The following TRAT1 variants were observed in gnomAD, a reference collection of about 807,000 sequenced individuals.
The protein encoded by TRAT1 is T-cell receptor-associated transmembrane adapter 1.
TRAT1 carries 20 observed loss-of-function variants against 20.0 expected under a neutral mutation model. The ratio of observed to expected loss-of-function variants is 1.00; its 90% CI spans 0.70 to 1.45. The LOEUF (loss-of-function observed/expected upper bound fraction) is 1.45. TRAT1 is among the 40% of genes most tolerant of loss of function. The pLI, the probability that TRAT1 is intolerant of heterozygous loss-of-function variation, is 0.00. For missense variants in TRAT1, 237 were observed against 224.1 expected (o/e 1.06, Z -0.37); for synonymous variants, 77 against 74.2 (o/e 1.04, Z -0.20).
chr3:108,829,485 G>A (rs893879448), intron 1 of TRAT1, among the ~76,000 whole-genome samples: 6 of 151,980 alleles, frequency 3.9e-5, no homozygotes, highest in African/African-American at 1.2e-4. Context: ...TTGGGAGGCT[G>A]AGACAGCAGA....
intron 3 of TRAT1, among the ~76,000 whole-genome samples, chr3:108,842,963 G>A (rs576846067): frequency 1.3e-5 from 2 of 152,252 alleles, no homozygotes; most frequent in Admixed American, 6.5e-5. Flanking sequence ...TCACTTCTCA[G>A]CCTCAGTCAC....
intron 5 of TRAT1, among the ~76,000 whole-genome samples, chr3:108,853,177 C>T (rs1946012364): frequency 6.6e-6 from 1 of 152,084 alleles, no homozygotes; most frequent in Admixed American, 6.5e-5. Context: ...TTTGTGGTAC[C>T]ATTAAATGAC....
At chr3:108,837,578 T>C (rs1374818) in intron 2 of TRAT1, among the ~76,000 whole-genome samples, 89,745 of 152,114 alleles carry the variant, frequency 0.59, 27,763 homozygotes, top group East Asian at 0.9. Context: ...TCCTTACTAA[T>C]ATAGAGTGTT....
intron 5 of TRAT1, among the ~76,000 whole-genome samples, chr3:108,852,445 A>G (rs1946006435): frequency 6.6e-6 from 1 of 152,132 alleles, no homozygotes. Flanking sequence ...AAATAGAACC[A>G]TCTTTTCTAT....
rs762567225 is a variant in TRAT1 at position 108,830,799 on chromosome 3, T to C, written c.118+19T>C. The C allele has an allele frequency of 2.0e-6, 3 of 1,505,344 alleles. No homozygotes were observed. Among genetic ancestry groups the C allele is most frequent in the Non-Finnish European group, 1.9e-6 (2 of 1,080,992 alleles). The allele number at this position is 1,505,344 out of a possible 1,614,324, so 93.2% of individuals were successfully genotyped here. A position where few individuals can be genotyped will look rare whatever the true frequency, so the allele number is the denominator to read the frequency against. On this transcript the variant is annotated intron_variant, in intron 2 of 5. Coordinates refer to ENST00000295756, the MANE Select transcript of TRAT1 (RefSeq NM_016388.4). ...CGACAAGGTAAGACATTTTGACAAA[T>C]TTCACATGGTACCTGCTTGAATGGA...
chr3:108,829,919 T>TA (rs1457364352), intron 1 of TRAT1, among the ~76,000 whole-genome samples: 6 of 152,132 alleles, frequency 3.9e-5, no homozygotes, highest in Non-Finnish European at 5.9e-5. Context: ...CTTCTACTTA[T>TA]AAAAAAAGTT....
At chr3:108,829,444 C>T (rs1327976921) in intron 1 of TRAT1, among the ~76,000 whole-genome samples, 3 of 152,122 alleles carry the variant, frequency 2.0e-5, no homozygotes, top group Non-Finnish European at 2.9e-5. Flanking sequence ...ATTAGCCAGG[C>T]GTGGTGGTGC....
In TRAT1 at chr3:108,847,118, A is replaced by G. The variant is rs113939935; in HGVS notation, c.203A>G (p.Asp68Gly). 16 of 1,541,884 alleles carry G rather than the reference A, an allele frequency of 1.0e-5. No homozygotes were observed. The highest frequency in any genetic ancestry group is 1.3e-5 in the Non-Finnish European group (15 of 1,124,692). Residue 68 changes from aspartate to glycine, a missense_variant, in exon 4 of 6, where the codon GAT becomes GGT. Asp to Gly is a moderately conservative substitution (Grantham distance 94, BLOSUM62 -1). Coordinates refer to ENST00000295756, the MANE Select transcript of TRAT1 (RefSeq NM_016388.4). Reference protein sequence around the residue: ...EDTPIYGNLDDMISEPMDENC... With the variant: ...EDTPIYGNLDGMISEPMDENC... Reference sequence around the variant, plus strand: ...ACACCAATTTATGGTAACTTAGATGATATGATTTCAGGTAAGTTTTCCATA... The same window carrying G: ...ACACCAATTTATGGTAACTTAGATGGTATGATTTCAGGTAAGTTTTCCATA...
At chr3:108,824,808 C>T (rs1013731437) in intron 1 of TRAT1, among the ~76,000 whole-genome samples, 2 of 152,198 alleles carry the variant, frequency 1.3e-5, no homozygotes, top group South Asian at 2.1e-4. Flanking sequence ...CATAGCATTA[C>T]TAAGTATAAT....
chr3:108,850,199 C>T (rs1318037194), intron 5 of TRAT1, among the ~76,000 whole-genome samples: 2 of 152,130 alleles, frequency 1.3e-5, no homozygotes, highest in Non-Finnish European at 1.5e-5. Context: ...TCCTCTCTTA[C>T]AGAACATTCT....
chr3:108,827,193 A>G (rs1945748106), intron 1 of TRAT1, among the ~76,000 whole-genome samples: 1 of 152,208 alleles, frequency 6.6e-6, no homozygotes, highest in Non-Finnish European at 1.5e-5. Flanking sequence ...AGCTATATAA[A>G]TGAAAGTAAT....
At chr3:108,826,629 C>A (rs1212758749) in intron 1 of TRAT1, among the ~76,000 whole-genome samples, 1 of 152,166 alleles carries the variant, frequency 6.6e-6, no homozygotes, top group East Asian at 1.9e-4. Context: ...TATAAGTAGA[C>A]TCATGGGGAT....
At chr3:108,838,846 G>A in intron 2 of TRAT1, 88 bp from the exon 3 acceptor site, 1 of 1,035,046 alleles carries the variant, frequency 9.7e-7, no homozygotes, top group Non-Finnish European at 1.5e-6. Context: ...TGACATTGAG[G>A]CTAAACTCCC....
intron 5 of TRAT1, 85 bp from the exon 6 acceptor site, chr3:108,853,535 C>T: frequency 1.3e-6 from 2 of 1,490,052 alleles, no homozygotes; most frequent in Non-Finnish European, 1.8e-6. Flanking sequence ...AAACAAGTTA[C>T]TTGGTTTTCA....
intron 2 of TRAT1, among the ~76,000 whole-genome samples, chr3:108,838,073 C>T (rs553222637): frequency 6.6e-6 from 1 of 152,020 alleles, no homozygotes; most frequent in Non-Finnish European, 1.5e-5. Flanking sequence ...TTTTGTTGTC[C>T]TACAACACAT....
intron 2 of TRAT1, among the ~76,000 whole-genome samples, chr3:108,836,620 G>C (rs1945844449): frequency 6.6e-6 from 1 of 151,918 alleles, no homozygotes; most frequent in Non-Finnish European, 1.5e-5. Flanking sequence ...TTAATTTCTG[G>C]CTTGTTATAT....
intron 2 of TRAT1, among the ~76,000 whole-genome samples, chr3:108,836,412 C>G (rs749766611): frequency 2.6e-5 from 4 of 152,124 alleles, no homozygotes; most frequent in Non-Finnish European, 5.9e-5. Flanking sequence ...AATGTTTTTG[C>G]TGATTTTTTT....
At chr3:108,849,062 G>A (rs1945972348) in intron 4 of TRAT1, 104 bp from the exon 5 acceptor site, 8 of 960,650 alleles carry the variant, frequency 8.3e-6, no homozygotes, top group African/African-American at 1.7e-5. Context: ...GTAATTCTTG[G>A]GCAGTTTATA....
chr3:108,828,480 G>A (rs1281546364), intron 1 of TRAT1, among the ~76,000 whole-genome samples: 1 of 152,128 alleles, frequency 6.6e-6, no homozygotes, highest in Non-Finnish European at 1.5e-5. Context: ...CTTAGATTGT[G>A]TATCAAAGAC....
Sources: allele counts gnomAD v4.1 joint callset (sites outside exome capture counted in the v4.1 genomes callset), GRCh38; gene constraint gnomAD v4.1.1; transcripts MANE v1.5; gene names NCBI Gene and HGNC (gene_info 2026-07-23, HGNC 2026-07-21).